The following CAST variants were observed in gnomAD, a reference collection of about 807,000 sequenced individuals.
CAST encodes calpastatin, also known as MIR583 host.
In CAST, 76 loss-of-function variants were observed where a neutral mutation model predicts 119.6. The ratio of observed to expected loss-of-function variants is 0.64; its 90% CI spans 0.53 to 0.77. CAST has a LOEUF of 0.77. Among genes scored for constraint, CAST ranks in the 30% least tolerant of loss-of-function variants. The pLI, the probability that CAST is intolerant of heterozygous loss-of-function variation, is 0.00. For missense variants in CAST, 953 were observed against 946.5 expected (o/e 1.01, Z -0.09); for synonymous variants, 319 against 331.6 (o/e 0.96, Z 0.41).
At chr5:96,182,724 A>T in the CAST span, among the ~76,000 whole-genome samples, 13 of 152,336 alleles carry the variant, frequency 8.5e-5, no homozygotes, top group South Asian at 2.7e-3. Flanking sequence ...ACTGTGATAG[A>T]TGCTGAAGAA....
chr5:95,975,196 G>T, the CAST span, among the ~76,000 whole-genome samples: 1 of 152,154 alleles, frequency 6.6e-6, no homozygotes, highest in Admixed American at 6.6e-5. Context: ...AAGAAGTGCT[G>T]GTTTCCTATA....
the CAST span, among the ~76,000 whole-genome samples, chr5:96,417,441 A>G: frequency 6.6e-6 from 1 of 151,944 alleles, no homozygotes; most frequent in Non-Finnish European, 1.5e-5. Context: ...TTTTTCAATC[A>G]TGGGGCCCCT....
At chr5:96,248,354 T>C in the CAST span, among the ~76,000 whole-genome samples, 2 of 152,170 alleles carry the variant, frequency 1.3e-5, no homozygotes, top group Non-Finnish European at 2.9e-5. Context: ...CTAAATGAGA[T>C]AGTATCCATG....
chr5:96,607,060 G>A (rs935053580), intron 1 of CAST, among the ~76,000 whole-genome samples: 9 of 152,108 alleles, frequency 5.9e-5, no homozygotes, highest in Admixed American at 2.6e-4. Context: ...AGGCCGAGGC[G>A]GGCGGATCAC....
the CAST span, among the ~76,000 whole-genome samples, chr5:96,281,315 G>A: frequency 3.9e-5 from 6 of 152,118 alleles, no homozygotes; most frequent in Non-Finnish European, 7.4e-5. Flanking sequence ...GACTAGATCC[G>A]GTGACTCAAA....
chr5:96,507,713 C>G, the CAST span, among the ~76,000 whole-genome samples: 12 of 152,188 alleles, frequency 7.9e-5, no homozygotes, highest in Non-Finnish European at 1.3e-4. Context: ...TATTTGTAAG[C>G]CTCGGATGCA....
At chr5:95,983,090 A>G in the CAST span, among the ~76,000 whole-genome samples, 1 of 152,370 alleles carries the variant, frequency 6.6e-6, no homozygotes, top group African/African-American at 2.4e-5. Context: ...TACATATGGT[A>G]TGGTTCTATT....
chr5:96,266,726 A>G, the CAST span, among the ~76,000 whole-genome samples: 1 of 152,208 alleles, frequency 6.6e-6, no homozygotes, highest in Non-Finnish European at 1.5e-5. Flanking sequence ...CAGACAGAAG[A>G]CTGAAATACA....
At chr5:96,620,638 T>C (rs886528533) in intron 1 of CAST, among the ~76,000 whole-genome samples, 4 of 152,308 alleles carry the variant, frequency 2.6e-5, no homozygotes, top group Admixed American at 6.5e-5. Flanking sequence ...TTTTGACTTA[T>C]GATATTTATC....
At chr5:96,497,755 A>C in the CAST span, among the ~76,000 whole-genome samples, 1 of 152,034 alleles carries the variant, frequency 6.6e-6, no homozygotes, top group African/African-American at 2.4e-5. Context: ...TAGATTCTGG[A>C]TATTAGCCCT....
chr5:96,441,207 G>C, the CAST span, among the ~76,000 whole-genome samples: 1 of 152,306 alleles, frequency 6.6e-6, no homozygotes, highest in South Asian at 2.1e-4. Context: ...AAATTCTGGA[G>C]TAGGGAGGCA....
At chr5:96,017,897 A>G in the CAST span, among the ~76,000 whole-genome samples, 2 of 152,330 alleles carry the variant, frequency 1.3e-5, no homozygotes, top group East Asian at 1.9e-4. Context: ...TAAAATTTAT[A>G]TAGGGTATGT....
chr5:96,163,977 C>G, the CAST span, among the ~76,000 whole-genome samples: 1 of 151,668 alleles, frequency 6.6e-6, no homozygotes, highest in Non-Finnish European at 1.5e-5. Context: ...GTAAAATGGG[C>G]ATAATGACAT....
chr5:96,719,267 C>T (rs1430130708), intron 3 of CAST, among the ~76,000 whole-genome samples: 1 of 152,136 alleles, frequency 6.6e-6, no homozygotes, highest in Non-Finnish European at 1.5e-5. Flanking sequence ...GTTAAGTGAG[C>T]CTCCCACCTC....
the CAST span, among the ~76,000 whole-genome samples, chr5:96,342,844 T>C: frequency 6.6e-6 from 1 of 152,180 alleles, no homozygotes. Flanking sequence ...CTGTTGTACT[T>C]GTTCATAGTA....
chr5:96,286,548 A>G, the CAST span, among the ~76,000 whole-genome samples: 1 of 152,220 alleles, frequency 6.6e-6, no homozygotes, highest in Non-Finnish European at 1.5e-5. Context: ...GCTTTGCACC[A>G]GTAACCAATA....
chr5:96,069,641 T>C, the CAST span, among the ~76,000 whole-genome samples: 27 of 149,188 alleles, frequency 1.8e-4, 1 homozygote, highest in African/African-American at 6.4e-4. Context: ...TGCCACTACA[T>C]CTGGGTAATT....
upstream of CAST, among the ~76,000 whole-genome samples, chr5:96,521,068 C>A (rs77337620): frequency 2.2e-4 from 34 of 152,250 alleles, 1 homozygote; most frequent in East Asian, 6.2e-3. Flanking sequence ...CTGCGCTAAG[C>A]CCAACACATC....
chr5:96,569,008 C>T (rs911103475), intron 1 of CAST, among the ~76,000 whole-genome samples: 1 of 152,210 alleles, frequency 6.6e-6, no homozygotes, highest in Non-Finnish European at 1.5e-5. Flanking sequence ...CAACTCTTCT[C>T]TGGACATTGC....
Sources: gnomAD v4.1 joint callset for allele counts (sites outside exome capture counted in the v4.1 genomes callset) on GRCh38, gnomAD v4.1.1 for gene constraint, MANE v1.5 for transcripts, NCBI Gene and HGNC (gene_info 2026-07-23, HGNC 2026-07-21) for gene names.